The following ASB3 variants were observed in gnomAD, a reference collection of about 807,000 sequenced individuals.
The protein encoded by ASB3 is ankyrin repeat and SOCS box protein 3.
In ASB3, 41 loss-of-function variants were observed where a neutral mutation model predicts 54.5. The observed-to-expected ratio is 0.75, with a 90% CI of 0.59 to 0.98. The LOEUF (loss-of-function observed/expected upper bound fraction) is 0.98. ASB3 is among the 50% of genes least tolerant of loss of function. The probability of loss-of-function intolerance (pLI) is 0.00; values close to 1 mark genes in which losing one functional copy is unlikely to be tolerated. For missense variants in ASB3, 733 were observed against 620.0 expected (o/e 1.18, Z -1.94); for synonymous variants, 266 against 221.2 (o/e 1.20, Z -1.80).
At chr2:53,770,981 A>C (rs1466039003) in intron 1 of ASB3, among the ~76,000 whole-genome samples, 1 of 152,192 alleles carries the variant, frequency 6.6e-6, no homozygotes, top group Non-Finnish European at 1.5e-5. Flanking sequence ...AAAACCTCTT[A>C]ATATCCCCTG....
At chr2:53,786,223 C>G (rs914386607) in intron 1 of ASB3, 3 of 152,188 alleles carry the variant, frequency 2.0e-5, no homozygotes, top group Non-Finnish European at 4.4e-5. Context: ...TGCAGTCAGA[C>G]GTGACTTAGT....
chr2:53,778,352 A>T (rs1358314204), intron 1 of ASB3, among the ~76,000 whole-genome samples: 1 of 152,150 alleles, frequency 6.6e-6, no homozygotes, highest in Admixed American at 6.6e-5. Flanking sequence ...GTGATGATTT[A>T]TGAATACAAT....
At chr2:53,745,227 G>A (rs1343345850) in intron 3 of ASB3, among the ~76,000 whole-genome samples, 1 of 152,150 alleles carries the variant, frequency 6.6e-6, no homozygotes, top group Non-Finnish European at 1.5e-5. Context: ...GCAAGGGGAA[G>A]GGAAAGAGAG....
At chr2:53,683,974 T>C (rs1167782323) in intron 9 of ASB3, among the ~76,000 whole-genome samples, 1 of 152,218 alleles carries the variant, frequency 6.6e-6, no homozygotes, top group Non-Finnish European at 1.5e-5. Context: ...ATCTTTATTA[T>C]TTCTTTTCTT....
intron 7 of ASB3, among the ~76,000 whole-genome samples, chr2:53,710,906 C>G (rs892825958): frequency 6.6e-6 from 1 of 151,972 alleles, no homozygotes. Context: ...GCAGGGAGAT[C>G]ACCTGAGCTC....
intron 1 of ASB3, among the ~76,000 whole-genome samples, chr2:53,778,149 CA>C (rs34356077): frequency 0.18 from 11,623 of 62,916 alleles, 458 homozygotes; most frequent in African/African-American, 0.29. Flanking sequence ...ATTCTTGTCT[CA>C]AAAAAAAAAA....
Position 53,716,959 on chromosome 2 carries a change from G to A in ASB3, c.605-216C>T, listed in dbSNP as rs1196179310. ...TAAACTGACAGGGTAGCTCATGCCT[G>A]GAATCCCAGCAATTTAGGAAGCTGT... On this transcript the variant is annotated intron_variant, in intron 5 of 9. Coordinates refer to ENST00000263634, the MANE Select transcript of ASB3 (RefSeq NM_016115.5). 2.6e-5 allele frequency among the ~76,000 whole-genome samples: 4 copies of A among 152,152 alleles called. No homozygotes were observed. The East Asian group carries it at 7.7e-4, about 29-fold the overall frequency.
intron 2 of ASB3, among the ~76,000 whole-genome samples, chr2:53,760,751 GGA>G (rs1457326318): frequency 1.6e-4 from 24 of 152,298 alleles, no homozygotes; most frequent in African/African-American, 5.3e-4. Context: ...CAGATAGTCA[GGA>G]TCTGTGAAGT....
chr2:53,769,027 G>A (rs185681527), intron 1 of ASB3, among the ~76,000 whole-genome samples: 15 of 152,314 alleles, frequency 9.8e-5, no homozygotes, highest in Middle Eastern at 3.4e-3. Flanking sequence ...GGTCAGTTAA[G>A]AACTTGGCTT....
chr2:53,735,690 A>C (rs1671589905), intron 3 of ASB3, among the ~76,000 whole-genome samples: 1 of 152,126 alleles, frequency 6.6e-6, no homozygotes, highest in Admixed American at 6.5e-5. Context: ...GGGCCAAATA[A>C]AGCCAAAAAA....
intron 6 of ASB3, among the ~76,000 whole-genome samples, chr2:53,715,370 T>G (rs957564012): frequency 7.2e-5 from 11 of 152,324 alleles, no homozygotes; most frequent in Middle Eastern, 3.4e-3. Flanking sequence ...AGTATTTTCA[T>G]AGTATTACAT....
chr2:53,751,035 T>G, intron 2 of ASB3, 94 bp from the exon 3 acceptor site: 1 of 1,344,478 alleles, frequency 7.4e-7, no homozygotes, highest in Non-Finnish European at 9.7e-7. Flanking sequence ...AATGAACTAT[T>G]AAAATGTAAG....
Position 53,714,374 on chromosome 2 carries a change from A to G in ASB3, c.980+10T>C. On this transcript the variant is annotated intron_variant, in intron 7 of 9. Coordinates refer to ENST00000263634, the MANE Select transcript of ASB3 (RefSeq NM_016115.5). ...AGAATAAAAAATAAAAACATAGCAA[A>G]TATACATACTCCTTTTGGAAAGCCA... 2 of 1,612,322 alleles carry G rather than the reference A, an allele frequency of 1.2e-6. No individual in the cohort carries two copies. The highest frequency in any genetic ancestry group is 1.7e-6 in the Non-Finnish European group (2 of 1,179,590).
intron 7 of ASB3, among the ~76,000 whole-genome samples, chr2:53,713,796 C>T (rs1157536602): frequency 1.3e-5 from 2 of 152,000 alleles, no homozygotes; most frequent in East Asian, 3.9e-4. Context: ...ACCTGTAGAC[C>T]CAGCTACTCT....
chr2:53,777,885 G>A (rs966286913), intron 1 of ASB3, among the ~76,000 whole-genome samples: 11 of 151,956 alleles, frequency 7.2e-5, no homozygotes, highest in African/African-American at 2.2e-4. Flanking sequence ...GGTAGCTAAC[G>A]CCTGTAATCC....
intron 3 of ASB3, among the ~76,000 whole-genome samples, chr2:53,746,030 T>C (rs1047920701): frequency 6.6e-5 from 10 of 152,224 alleles, no homozygotes; most frequent in African/African-American, 2.4e-4. Flanking sequence ...CCAAGTGCAG[T>C]GGCTCATGCC....
At chr2:53,771,509 G>A (rs569121045) in intron 1 of ASB3, among the ~76,000 whole-genome samples, 55 of 152,012 alleles carry the variant, frequency 3.6e-4, no homozygotes, top group African/African-American at 1.1e-3. Flanking sequence ...GCAAAACTCC[G>A]TCTCAAAAAA....
chr2:53,706,282 CTGATA>C (rs1669764179), intron 7 of ASB3, among the ~76,000 whole-genome samples: 2 of 152,154 alleles, frequency 1.3e-5, no homozygotes, highest in South Asian at 4.1e-4. Flanking sequence ...ATATGCTAAT[CTGATA>C]TAATTATTGA....
intron 9 of ASB3, among the ~76,000 whole-genome samples, chr2:53,693,299 T>C (rs996052006): frequency 1.3e-5 from 2 of 152,190 alleles, no homozygotes; most frequent in East Asian, 1.9e-4. Flanking sequence ...TTTTTTCAAC[T>C]AGCTTAAAAA....
Sources: allele counts gnomAD v4.1 joint callset (sites outside exome capture counted in the v4.1 genomes callset), GRCh38; gene constraint gnomAD v4.1.1; transcripts MANE v1.5; gene names NCBI Gene and HGNC (gene_info 2026-07-23, HGNC 2026-07-21).